Variants in FBN2 observed in about 807,000 individuals in gnomAD.
The protein encoded by FBN2 is fibrillin 2.
In FBN2, 105 loss-of-function variants were observed where a neutral mutation model predicts 355.6. The ratio of observed to expected loss-of-function variants is 0.30; its 90% CI spans 0.25 to 0.35. The LOEUF (loss-of-function observed/expected upper bound fraction) is 0.35, where lower values mean the gene tolerates loss of function less well. Among genes scored for constraint, FBN2 ranks in the 10% least tolerant of loss-of-function variants. FBN2 has a pLI of 1.00. For missense variants in FBN2, 3,280 were observed against 3,758.7 expected, an observed-to-expected ratio of 0.87 and a Z score of 3.33; for synonymous variants, 1,350 against 1,301.2, an observed-to-expected ratio of 1.04 and a Z score of -0.81.
chr5:128,345,589 A>AC lies in FBN2; in HGVS notation c.2990-6dup. 6.2e-7 allele frequency: 1 copy of AC among 1,609,210 alleles called. No individual in the cohort carries two copies. The highest frequency in any genetic ancestry group is 8.5e-7 in the Non-Finnish European group (1 of 1,175,522). On this transcript the variant is annotated splice_region_variant and splice_polypyrimidine_tract_variant and intron_variant, in intron 23 of 64. Coordinates refer to ENST00000262464, the MANE Select transcript of FBN2 (RefSeq NM_001999.4). ...AACACTGCTCCATGCGAATATCTACACCGAGAACGAAATCACAGGGTGAGA... is the reference window on the plus strand; with the variant it reads ...AACACTGCTCCATGCGAATATCTACACCCGAGAACGAAATCACAGGGTGAGA...
chr5:128,535,371 C>G (rs1472082520), intron 2 of FBN2, among the ~76,000 whole-genome samples: 1 of 152,192 alleles, frequency 6.6e-6, no homozygotes, highest in Non-Finnish European at 1.5e-5. Flanking sequence ...TCCTTATTAT[C>G]CCTTGGTTAG....
chr5:128,309,261 G>A lies in FBN2; in HGVS notation c.5339C>T (p.Pro1780Leu). 6.2e-7 allele frequency: 1 copy of A among 1,614,042 alleles called. No individual in the cohort carries two copies. The highest frequency in any genetic ancestry group is 2.2e-5 in the East Asian group (1 of 44,866). Residue 1780 changes from proline (P) to leucine (L), a missense_variant, in exon 41 of 65, where the codon CCA becomes CTA. Coordinates refer to ENST00000262464, the MANE Select transcript of FBN2 (RefSeq NM_001999.4). ...CGTGTGCTTACCTGTTCCTGGAGTT[G>A]GGCATGGTTCACAAGGTTTGTTCCA... ...KAWNKPCEPC[P>L]TPGTADFKTI...
At chr5:128,407,985 A>C (rs1379784162) in intron 8 of FBN2, among the ~76,000 whole-genome samples, 1 of 152,236 alleles carries the variant, frequency 6.6e-6, no homozygotes, top group African/African-American at 2.4e-5. Context: ...CTTTAGTGCC[A>C]GTAAAGATAA....
chr5:128,283,639 A>G (rs1749048273), intron 55 of FBN2, among the ~76,000 whole-genome samples: 1 of 152,100 alleles, frequency 6.6e-6, no homozygotes, highest in Non-Finnish European at 1.5e-5. Context: ...TTCTCAGTCA[A>G]TCCCATAATT....
intron 4 of FBN2, among the ~76,000 whole-genome samples, chr5:128,522,074 G>A (rs542317242): frequency 1.9e-4 from 29 of 152,066 alleles, no homozygotes; most frequent in Non-Finnish European, 3.2e-4. Context: ...AAATATTGAA[G>A]GAACTCATAT....
At chr5:128,276,328 G>C (rs147902439) in intron 58 of FBN2, among the ~76,000 whole-genome samples, 168 bp from the exon 59 acceptor site, 1 of 152,064 alleles carries the variant, frequency 6.6e-6, no homozygotes, top group African/African-American at 2.4e-5. Context: ...AGTAACATGC[G>C]GGTTTACTTT....
chr5:128,513,794 T>C (rs1756196940), intron 5 of FBN2, among the ~76,000 whole-genome samples: 1 of 152,146 alleles, frequency 6.6e-6, no homozygotes, highest in Admixed American at 6.6e-5. Context: ...GTCTTCATTT[T>C]CTCCTTCCCC....
At chr5:128,264,630 C>T (rs770431702) in intron 62 of FBN2, among the ~76,000 whole-genome samples, 8 of 152,084 alleles carry the variant, frequency 5.3e-5, no homozygotes, top group Non-Finnish European at 8.8e-5. Context: ...TTTTTATAAT[C>T]CAAATTTCAC....
intron 7 of FBN2, among the ~76,000 whole-genome samples, chr5:128,438,615 T>C (rs780133733): frequency 1.6e-4 from 25 of 152,210 alleles, no homozygotes; most frequent in African/African-American, 5.8e-4. Context: ...TAATGTGCCA[T>C]AGATGTACCT....
At chr5:128,368,240 C>A (rs1390108924) in intron 16 of FBN2, among the ~76,000 whole-genome samples, 2 of 151,882 alleles carry the variant, frequency 1.3e-5, no homozygotes, top group Non-Finnish European at 2.9e-5. Flanking sequence ...GTTAGAATCC[C>A]TACTGTACTT....
chr5:128,277,983 C>T lies in FBN2; in HGVS notation c.7368G>A (p.Met2456Ile). 2 of 1,614,014 alleles carry T rather than the reference C, an allele frequency of 1.2e-6. No individual in the cohort carries two copies. The highest frequency in any genetic ancestry group is 2.2e-5 in the South Asian group (2 of 91,078). ...DGRDIDECKV[M>I]PNLCTNGQCI... is the part of the protein sequence containing the mutation. The stretch of plus-strand genomic sequence containing the variant: ...ACTGACCATTGGTGCAGAGGTTTGG[C>T]ATTACCTTACATTCATCAATATCTG... The change falls in exon 58 of 65, where the codon ATG (methionine) becomes ATA (isoleucine). Residue 2456 changes from methionine to isoleucine, a missense_variant. Coordinates refer to ENST00000262464, the MANE Select transcript of FBN2 (RefSeq NM_001999.4).
chr5:128,400,364 A>T (rs2126988894), intron 8 of FBN2, among the ~76,000 whole-genome samples: 1 of 152,296 alleles, frequency 6.6e-6, no homozygotes, highest in South Asian at 2.1e-4. Context: ...ATAGCATAAG[A>T]TCAAACTATA....
chr5:128,288,094 TC>T (rs1749209591), intron 53 of FBN2, among the ~76,000 whole-genome samples: 1 of 152,210 alleles, frequency 6.6e-6, no homozygotes, highest in Non-Finnish European at 1.5e-5. Context: ...ATAACTGATT[TC>T]GAAGCATATC....
At chr5:128,523,088 G>A (rs1756478376) in intron 4 of FBN2, among the ~76,000 whole-genome samples, 1 of 152,136 alleles carries the variant, frequency 6.6e-6, no homozygotes, top group African/African-American at 2.4e-5. Flanking sequence ...CCAGGTAACA[G>A]GTCAGGTATA....
chr5:128,471,305 A>T (rs1379284009), intron 5 of FBN2, among the ~76,000 whole-genome samples: 1 of 152,004 alleles, frequency 6.6e-6, no homozygotes, highest in African/African-American at 2.4e-5. Context: ...ATCTCTAATC[A>T]CAGATATAAA....
chr5:128,453,805 T>C (rs1030976236), intron 6 of FBN2, among the ~76,000 whole-genome samples: 1 of 152,188 alleles, frequency 6.6e-6, no homozygotes, highest in Non-Finnish European at 1.5e-5. Flanking sequence ...GTCACCAAAC[T>C]CCTCCCCCAA....
intron 5 of FBN2, among the ~76,000 whole-genome samples, chr5:128,467,087 C>T (rs1056946769): frequency 2.6e-5 from 4 of 152,138 alleles, no homozygotes; most frequent in Non-Finnish European, 5.9e-5. Context: ...TCTGCACAGT[C>T]TCCCTCATAA....
chr5:128,425,120 A>T (rs113364513), intron 7 of FBN2, among the ~76,000 whole-genome samples: 1 of 151,782 alleles, frequency 6.6e-6, no homozygotes, highest in Non-Finnish European at 1.5e-5. Flanking sequence ...TTTAAGACAC[A>T]TTAGGACAAA....
chr5:128,339,102 G>A, intron 25 of FBN2, 41 bp from the exon 26 acceptor site: 1 of 1,608,738 alleles, frequency 6.2e-7, no homozygotes, highest in South Asian at 1.1e-5. Flanking sequence ...AATTGAATGA[G>A]ATAGACTTGG....
Sources: gnomAD v4.1 joint callset for allele counts (sites outside exome capture counted in the v4.1 genomes callset) on GRCh38, gnomAD v4.1.1 for gene constraint, MANE v1.5 for transcripts, NCBI Gene and HGNC (gene_info 2026-07-23, HGNC 2026-07-21) for gene names.